RPSA2: variants seen among roughly 807,000 people sequenced by gnomAD.
RPSA2 encodes the protein ribosomal protein SA 2.
At chr19:23,762,203 A>C in the RPSA2 span, among the ~76,000 whole-genome samples, 1 of 149,100 alleles carries the variant, frequency 6.7e-6, no homozygotes, top group South Asian at 2.2e-4. Context: ...GGCGTGAGCC[A>C]CCGTGCCCGG....
chr19:23,821,923 A>G, the RPSA2 span, among the ~76,000 whole-genome samples: 1 of 152,256 alleles, frequency 6.6e-6, no homozygotes, highest in South Asian at 2.1e-4. Context: ...TCTTGGTCAC[A>G]GTTAATGTAC....
chr19:23,839,891 G>A, the RPSA2 span, among the ~76,000 whole-genome samples: 15 of 152,214 alleles, frequency 9.9e-5, no homozygotes, highest in African/African-American at 3.6e-4. Flanking sequence ...AGTTTCTCCA[G>A]TGGGGTCGTT....
the RPSA2 span, among the ~76,000 whole-genome samples, chr19:23,857,109 C>T: frequency 2.0e-5 from 3 of 152,242 alleles, no homozygotes; most frequent in East Asian, 5.8e-4. Flanking sequence ...TAGACCTCCC[C>T]CCAGGAATGA....
chr19:23,812,894 C>T, the RPSA2 span, among the ~76,000 whole-genome samples: 2 of 152,142 alleles, frequency 1.3e-5, no homozygotes, highest in Admixed American at 6.5e-5. Context: ...ACTGTAAAAA[C>T]ATGTAACATG....
chr19:23,846,707 A>T, the RPSA2 span, among the ~76,000 whole-genome samples: 1 of 152,172 alleles, frequency 6.6e-6, no homozygotes, highest in Non-Finnish European at 1.5e-5. Flanking sequence ...TGGCCAGTAA[A>T]GTTTCTGCTG....
chr19:23,861,462 C>T, the RPSA2 span, among the ~76,000 whole-genome samples: 1 of 152,082 alleles, frequency 6.6e-6, no homozygotes, highest in African/African-American at 2.4e-5. Context: ...AGCATATCTC[C>T]CCCCATGTGA....
At chr19:23,834,067 T>A in the RPSA2 span, among the ~76,000 whole-genome samples, 18 of 152,232 alleles carry the variant, frequency 1.2e-4, 1 homozygote, top group South Asian at 2.1e-3. Flanking sequence ...ATTGTCTATG[T>A]AAATATCAGA....
the RPSA2 span, among the ~76,000 whole-genome samples, chr19:23,774,383 T>A: frequency 6.6e-6 from 1 of 152,026 alleles, no homozygotes; most frequent in Non-Finnish European, 1.5e-5. Flanking sequence ...ACAGTGGGAG[T>A]TGTGACATAT....
the RPSA2 span, among the ~76,000 whole-genome samples, chr19:23,833,804 A>C: frequency 6.6e-6 from 1 of 152,102 alleles, no homozygotes; most frequent in African/African-American, 2.4e-5. Context: ...AAAGCACTAC[A>C]AATATAAATA....
At chr19:23,834,786 A>G in the RPSA2 span, among the ~76,000 whole-genome samples, 2 of 152,092 alleles carry the variant, frequency 1.3e-5, no homozygotes, top group Non-Finnish European at 2.9e-5. Context: ...GGTGTAGGTA[A>G]CAATACATTA....
At chr19:23,827,150 G>C in the RPSA2 span, 3 of 798,442 alleles carry the variant, frequency 3.8e-6, no homozygotes, top group Admixed American at 6.0e-5. Flanking sequence ...AACTTAAAGG[G>C]AAACTTTCAC....
the RPSA2 span, among the ~76,000 whole-genome samples, chr19:23,768,253 C>T: frequency 6.2e-4 from 94 of 151,928 alleles, no homozygotes; most frequent in African/African-American, 1.8e-3. Flanking sequence ...GAGAATGCTA[C>T]CAGAGAAGAG....
chr19:23,773,344 C>T, the RPSA2 span, among the ~76,000 whole-genome samples: 3 of 151,276 alleles, frequency 2.0e-5, no homozygotes, highest in Admixed American at 1.3e-4. Context: ...AGTGCAGTGG[C>T]GTGATCTCAG....
the RPSA2 span, among the ~76,000 whole-genome samples, chr19:23,769,664 A>G: frequency 2.0e-5 from 3 of 151,554 alleles, no homozygotes; most frequent in African/African-American, 7.3e-5. Flanking sequence ...TTTTGTTTGG[A>G]CCCTCTTCTT....
At chr19:23,814,471 A>T in the RPSA2 span, among the ~76,000 whole-genome samples, 1 of 152,164 alleles carries the variant, frequency 6.6e-6, no homozygotes, top group Non-Finnish European at 1.5e-5. Flanking sequence ...TTTTGTCAGT[A>T]CCACATTGTG....
chr19:23,859,780 G>A, the RPSA2 span, among the ~76,000 whole-genome samples: 27 of 152,220 alleles, frequency 1.8e-4, no homozygotes, highest in South Asian at 4.6e-3. Flanking sequence ...TCAGCTCCCA[G>A]TGTCCAGGTT....
At chr19:23,805,134 C>T in the RPSA2 span, among the ~76,000 whole-genome samples, 1 of 626 alleles carries the variant, frequency 1.6e-3, no homozygotes, top group African/African-American at 3.1e-3. Flanking sequence ...CACACACACA[C>T]ACACACACAC....
the RPSA2 span, among the ~76,000 whole-genome samples, chr19:23,761,925 T>C: frequency 0.46 from 36,307 of 79,714 alleles, 13,033 homozygotes; most frequent in Non-Finnish European, 0.6. Flanking sequence ...TCTTTCTTTT[T>C]TTTTTTTTTT....
chr19:23,849,286 C>A, the RPSA2 span, among the ~76,000 whole-genome samples: 4 of 151,762 alleles, frequency 2.6e-5, no homozygotes, highest in African/African-American at 9.7e-5. Context: ...GCCCGATGTT[C>A]TCCACCATAA....
Sources: allele counts gnomAD v4.1 joint callset (sites outside exome capture counted in the v4.1 genomes callset), GRCh38; gene constraint gnomAD v4.1.1; transcripts MANE v1.5; gene names NCBI Gene and HGNC (gene_info 2026-07-23, HGNC 2026-07-21).